Variants in ITGB3 observed in about 807,000 individuals in gnomAD.
ITGB3 encodes the protein integrin beta-3.
ITGB3 carries 48 observed loss-of-function variants against 85.8 expected under a neutral mutation model. The observed-to-expected ratio is 0.56, with a 90% CI of 0.44 to 0.71. ITGB3 has a LOEUF of 0.71. Ranked by LOEUF, ITGB3 falls within the 30% of genes least tolerant of loss-of-function variation. ITGB3 has a pLI of 0.00. For synonymous variants in ITGB3, 363 were observed against 395.6 expected (o/e 0.92, Z 0.98); for missense variants, 861 against 1,019.1 (o/e 0.84, Z 2.11).
At chr17:47,273,832 A>T (rs2065053632) in intron 1 of ITGB3, among the ~76,000 whole-genome samples, 1 of 152,178 alleles carries the variant, frequency 6.6e-6, no homozygotes, top group Non-Finnish European at 1.5e-5. Flanking sequence ...TTCCTCCTAG[A>T]GCATTTTGTG....
intron 2 of ITGB3, among the ~76,000 whole-genome samples, chr17:47,280,206 T>G (rs572390835): frequency 6.6e-6 from 1 of 152,372 alleles, no homozygotes; most frequent in South Asian, 2.1e-4. Context: ...CTCTACTTAC[T>G]TCTTGCCTGG....
intron 1 of ITGB3, among the ~76,000 whole-genome samples, chr17:47,266,397 T>C (rs541830211): frequency 2.0e-5 from 3 of 152,184 alleles, no homozygotes; most frequent in South Asian, 4.1e-4. Flanking sequence ...ATAGCCCCCA[T>C]TGACGCATTA....
intron 1 of ITGB3, among the ~76,000 whole-genome samples, chr17:47,267,107 C>A (rs139313050): frequency 1.9e-4 from 29 of 152,178 alleles, no homozygotes; most frequent in Non-Finnish European, 3.7e-4. Context: ...ATATAAATTA[C>A]AGCAGCAGCA....
intron 10 of ITGB3, among the ~76,000 whole-genome samples, chr17:47,296,634 C>T (rs2065147143): frequency 6.6e-6 from 1 of 152,136 alleles, no homozygotes; most frequent in Admixed American, 6.5e-5. Context: ...TCTCCCAGGG[C>T]ACATTTGGCA....
Position 47,306,667 on chromosome 17 carries a change from C to CTTAT in ITGB3, c.2135-802_2135-799dup, listed in dbSNP as rs200815528. On this transcript the variant is annotated intron_variant, in intron 13 of 14. Coordinates refer to ENST00000559488, the MANE Select transcript of ITGB3 (RefSeq NM_000212.3). ...TGCCAATAAAGTCAATTTTTTATTTCTTATTCATTTATTTATTTATTTATT... is the reference window on the plus strand; with the variant it reads ...TGCCAATAAAGTCAATTTTTTATTTCTTATTTATTCATTTATTTATTTATTTATT... 7.0e-3 allele frequency among the ~76,000 whole-genome samples: 1,059 copies of CTTAT among 152,022 alleles called. 24 individuals are homozygous for CTTAT. Among genetic ancestry groups the CTTAT allele is most frequent in the East Asian group, 0.049 (253 of 5,180 alleles).
Position 47,289,046 on chromosome 17 carries a change from T to C in ITGB3, c.940-635T>C, listed in dbSNP as rs1178372494. On this transcript the variant is annotated intron_variant, in intron 6 of 14. Transcript: ENST00000559488. ...GGGAGACAGTGGGCCAGATCACTGC[T>C]GAGTGGAAGAGGGAGAGAGGTGAGC... Among the ~76,000 whole-genome samples the C allele has an allele frequency of 3.3e-5, 5 of 152,022 alleles. No homozygotes were observed. The East Asian group carries it at 9.7e-4, about 29-fold the overall frequency.
At chr17:47,279,412 G>A (rs2143080480) in intron 2 of ITGB3, 1 of 152,376 alleles carries the variant, frequency 6.6e-6, no homozygotes. Context: ...TGAGGTCACT[G>A]CCTTGGTGCT....
chr17:47,269,614 CAA>C (rs916784401), intron 1 of ITGB3, among the ~76,000 whole-genome samples: 1 of 152,178 alleles, frequency 6.6e-6, no homozygotes, highest in African/African-American at 2.4e-5. Context: ...GCATTTTGGT[CAA>C]AGTCATTCAA....
chr17:47,299,392 C>T lies in ITGB3; in HGVS notation c.1775C>T (p.Thr592Ile). 3 of 1,614,262 alleles carry T rather than the reference C, an allele frequency of 1.9e-6. No homozygotes were observed. The highest frequency in any genetic ancestry group is 1.1e-5 in the South Asian group (1 of 91,092). The part of the protein sequence containing the change: ...YYCNCTTRTD[T>I]CMSSNGLLCS... ...TGCAACTGTACCACGCGTACTGACA[C>T]CTGCATGTCCAGCAATGGGCTGCTG... Residue 592 changes from threonine (T) to isoleucine (I), a missense_variant, in exon 11 of 15, where the codon ACC becomes ATC. Coordinates refer to ENST00000559488, the MANE Select transcript of ITGB3 (RefSeq NM_000212.3). This position sits in a 1 kb window ranked among gnomAD's most constrained non-coding sequence, Gnocchi z 5.1.
At chr17:47,280,443 G>A (rs935942304) in intron 2 of ITGB3, among the ~76,000 whole-genome samples, 2 of 152,094 alleles carry the variant, frequency 1.3e-5, no homozygotes, top group African/African-American at 2.4e-5. Flanking sequence ...TGCAACCTCC[G>A]CCTCCCTGGC....
chr17:47,292,691 C>A, intron 10 of ITGB3, 123 bp downstream of exon 10: 1 of 990,252 alleles, frequency 1.0e-6, no homozygotes, highest in Non-Finnish European at 1.5e-6. Flanking sequence ...GTCAGTGGTT[C>A]CTAATCTTTT....
At chr17:47,292,611 C>T in intron 10 of ITGB3, 43 bp downstream of exon 10, 1 of 1,587,086 alleles carries the variant, frequency 6.3e-7, no homozygotes, top group Non-Finnish European at 8.6e-7. Flanking sequence ...ACCCACACCC[C>T]CTCATATACC....
chr17:47,277,942 T>C (rs1167174323), intron 2 of ITGB3, among the ~76,000 whole-genome samples: 1 of 152,270 alleles, frequency 6.6e-6, no homozygotes, highest in Non-Finnish European at 1.5e-5. Context: ...TTCTTTCTAT[T>C]TATTTTTAAT....
At position 47,292,511 on chromosome 17, in the gene ITGB3, A is replaced by G. The variant is rs749786355; in HGVS notation, c.1633A>G (p.Lys545Glu). 5 of 1,607,152 alleles carry G rather than the reference A, an allele frequency of 3.1e-6. No homozygotes were observed. The South Asian group carries it at 5.5e-5, about 18-fold the overall frequency. ...CAGTGACTTTGGCAAGATCACGGGCAAGTACTGCGAGTGTGACGACTTCTC... is the reference window on the plus strand; with the variant it reads ...CAGTGACTTTGGCAAGATCACGGGCGAGTACTGCGAGTGTGACGACTTCTC... The part of the protein sequence containing the change: ...HSSDFGKITG[K>E]YCECDDFSCV... Residue 545 changes from lysine (K) to glutamate (E), a missense_variant, in exon 10 of 15, where the codon AAG (lysine) becomes GAG (glutamate). Lys to Glu is a moderately conservative substitution (Grantham distance 56, BLOSUM62 1). Transcript: ENST00000559488.
intron 6 of ITGB3, among the ~76,000 whole-genome samples, chr17:47,287,696 T>C (rs1226410002): frequency 6.6e-6 from 1 of 151,960 alleles, no homozygotes; most frequent in Non-Finnish European, 1.5e-5. Flanking sequence ...ATCACGTGAG[T>C]CCAGGAGTTT....
chr17:47,286,140 G>T, intron 4 of ITGB3, 120 bp from the exon 5 acceptor site: 1 of 1,127,542 alleles, frequency 8.9e-7, no homozygotes, highest in Non-Finnish European at 1.3e-6. Context: ...GGTAACTGTG[G>T]TTGTATGGAA....
chr17:47,267,932 G>A (rs2065031078), intron 1 of ITGB3, among the ~76,000 whole-genome samples: 1 of 152,190 alleles, frequency 6.6e-6, no homozygotes, highest in African/African-American at 2.4e-5. Context: ...AAGGAAAGAG[G>A]TTTAATTGAC....
At chr17:47,273,799 A>G (rs1224861321) in intron 1 of ITGB3, among the ~76,000 whole-genome samples, 2 of 152,242 alleles carry the variant, frequency 1.3e-5, no homozygotes, top group East Asian at 1.9e-4. Flanking sequence ...TATATCAGTC[A>G]GCCTTTTCTA....
At position 47,292,209 on chromosome 17, in the gene ITGB3, C is replaced by A; in HGVS notation, c.1331C>A (p.Pro444His). ...QEKEKSFTIK[P>H]VGFKDSLIVQ... The stretch of plus-strand genomic sequence containing the variant: ...AAGGAGAAGTCCTTTACCATAAAGC[C>A]CGTGGGCTTCAAGGACAGCCTGATC... The change falls in exon 10 of 15, where the codon CCC (proline) becomes CAC (histidine). Residue 444 changes from proline to histidine, a missense_variant. Physicochemically the swap from Pro to His is moderately conservative, Grantham distance 77 (BLOSUM62 -2). Transcript: ENST00000559488. 1 of 1,614,182 alleles carries A rather than the reference C, an allele frequency of 6.2e-7. No individual in the cohort carries two copies. Among genetic ancestry groups the A allele is most frequent in the South Asian group, 1.1e-5 (1 of 91,082 alleles).
Sources: gnomAD v4.1 joint callset for allele counts (sites outside exome capture counted in the v4.1 genomes callset) on GRCh38, gnomAD v4.1.1 for gene constraint, Gnocchi (gnomAD v3.1) non-coding constraint, MANE v1.5 for transcripts, NCBI Gene and HGNC (gene_info 2026-07-23, HGNC 2026-07-21) for gene names.